Variants in RABGAP1L observed in about 807,000 individuals in gnomAD.
RABGAP1L encodes the protein RAB GTPase activating protein 1 like, also known as rab GTPase-activating protein 1-like.
In RABGAP1L, 63 loss-of-function variants were observed where a neutral mutation model predicts 137.7. The observed-to-expected ratio is 0.46, with a 90% CI of 0.37 to 0.56. The LOEUF is 0.56. RABGAP1L is among the 20% of genes least tolerant of loss of function. The pLI, the probability that RABGAP1L is intolerant of heterozygous loss-of-function variation, is 0.00. For missense variants in RABGAP1L, 1,095 were observed against 1,244.0 expected, an observed-to-expected ratio of 0.88 and a Z score of 1.80; for synonymous variants, 431 against 433.7, an observed-to-expected ratio of 0.99 and a Z score of 0.08.
At chr1:174,516,049 C>A (rs1423400951) in intron 13 of RABGAP1L, among the ~76,000 whole-genome samples, 1 of 149,422 alleles carries the variant, frequency 6.7e-6, no homozygotes, top group Admixed American at 6.7e-5. Context: ...TATTCAACTG[C>A]AAAATAAACT....
intron 11 of RABGAP1L, among the ~76,000 whole-genome samples, chr1:174,319,892 C>T (rs568778899): frequency 1.9e-4 from 29 of 151,044 alleles, no homozygotes; most frequent in Admixed American, 4.6e-4. Flanking sequence ...TTTACTTTCT[C>T]GTGCCTTGCC....
chr1:174,181,439 G>A (rs1265562687), intron 1 of RABGAP1L, among the ~76,000 whole-genome samples: 6 of 150,538 alleles, frequency 4.0e-5, no homozygotes, highest in African/African-American at 9.7e-5. Flanking sequence ...CCAGGTTCAC[G>A]CCATTCTCCT....
At chr1:174,223,442 C>CAAA (rs370743713) in intron 3 of RABGAP1L, among the ~76,000 whole-genome samples, 13 of 53,220 alleles carry the variant, frequency 2.4e-4, no homozygotes, top group African/African-American at 4.8e-4. Context: ...GACTCCATCT[C>CAAA]AAAAAAAAAA....
intron 25 of RABGAP1L, 22 bp downstream of exon 25, chr1:174,988,860 CAAG>C (rs1671831721): frequency 2.6e-5 from 39 of 1,523,940 alleles, no homozygotes; most frequent in Non-Finnish European, 3.4e-5. Flanking sequence ...GATAAAAGAA[CAAG>C]AAGAAAGAAT....
At chr1:174,640,665 C>G (rs1182841978) in intron 14 of RABGAP1L, among the ~76,000 whole-genome samples, 1 of 152,032 alleles carries the variant, frequency 6.6e-6, no homozygotes, top group Non-Finnish European at 1.5e-5. Flanking sequence ...ATTAATAACA[C>G]CTTGATCTTA....
chr1:174,952,931 G>GGAGGGCAGATCACTTGAGGTTAGGAGTTC, intron 19 of RABGAP1L, among the ~76,000 whole-genome samples: 2 of 151,858 alleles, frequency 1.3e-5, no homozygotes, highest in East Asian at 3.9e-4. Context: ...GGGAGGCTGA[G>GGAGGGCAGATCACTTGAGGTTAGGAGTTC]GAGGGCAGAT....
At chr1:174,602,714 G>A (rs967552184) in intron 13 of RABGAP1L, among the ~76,000 whole-genome samples, 1 of 151,968 alleles carries the variant, frequency 6.6e-6, no homozygotes, top group Non-Finnish European at 1.5e-5. Context: ...TTCTTGATCA[G>A]TTCGACTATT....
intron 11 of RABGAP1L, among the ~76,000 whole-genome samples, chr1:174,353,091 T>C (rs1338778269): frequency 6.6e-6 from 1 of 152,088 alleles, no homozygotes; most frequent in Admixed American, 6.5e-5. Context: ...CTACTGCTGA[T>C]GTTTATTTTA....
chr1:174,921,247 A>G (rs1208093650), intron 19 of RABGAP1L, among the ~76,000 whole-genome samples: 9 of 152,166 alleles, frequency 5.9e-5, no homozygotes, highest in Non-Finnish European at 8.8e-5. Context: ...TTGTTATGGC[A>G]GCCCTAGCGA....
At chr1:174,743,162 C>T (rs1683585766) in intron 17 of RABGAP1L, among the ~76,000 whole-genome samples, 1 of 152,102 alleles carries the variant, frequency 6.6e-6, no homozygotes, top group South Asian at 2.1e-4. Context: ...ATCTCCCTGA[C>T]AAACTGAAAC....
At chr1:174,884,076 G>A (rs1161417123) in intron 19 of RABGAP1L, among the ~76,000 whole-genome samples, 1 of 152,184 alleles carries the variant, frequency 6.6e-6, no homozygotes, top group East Asian at 1.9e-4. Flanking sequence ...CACGGTAAGA[G>A]AATTGATTGT....
chr1:174,246,695 T>G (rs1290174505), intron 5 of RABGAP1L, among the ~76,000 whole-genome samples: 6 of 152,130 alleles, frequency 3.9e-5, no homozygotes, highest in African/African-American at 1.2e-4. Flanking sequence ...TATTACACAG[T>G]TTTATATAAG....
chr1:174,318,795 A>T (rs1242057835), intron 11 of RABGAP1L, among the ~76,000 whole-genome samples: 2 of 151,724 alleles, frequency 1.3e-5, no homozygotes, highest in African/African-American at 4.8e-5. Flanking sequence ...CTTATGAAAA[A>T]CATCTTATAA....
intron 4 of RABGAP1L, among the ~76,000 whole-genome samples, chr1:174,240,216 ATTTGT>A (rs538971761): frequency 3.6e-4 from 45 of 123,576 alleles, no homozygotes; most frequent in South Asian, 5.2e-4. Flanking sequence ...AGGACTTAGG[ATTTGT>A]TTTGTTTTGT....
At position 174,368,383 on chromosome 1, in the gene RABGAP1L, G is replaced by A. The variant is rs997439377; in HGVS notation, c.1466-2596G>A. ...TTTGATCAAATGATATATTAACTTA[G>A]CATCTTAATAAATTCAAAAAGATTG... On this transcript the variant is annotated intron_variant, in intron 11 of 25. Coordinates refer to ENST00000681986, the MANE Select transcript of RABGAP1L (RefSeq NM_001366446.1). Among the ~76,000 whole-genome samples, 15 of 152,246 alleles carry A rather than the reference G, an allele frequency of 9.9e-5. No homozygotes were observed. The East Asian group carries it at 2.7e-3, about 27-fold the overall frequency.
At chr1:174,858,872 A>G (rs893504885) in intron 19 of RABGAP1L, among the ~76,000 whole-genome samples, 2 of 152,222 alleles carry the variant, frequency 1.3e-5, no homozygotes, top group African/African-American at 2.4e-5. Context: ...TCTTTGAAAA[A>G]TAACAATTCT....
At chr1:174,260,728 C>A (rs1673512979) in intron 7 of RABGAP1L, among the ~76,000 whole-genome samples, 1 of 152,072 alleles carries the variant, frequency 6.6e-6, no homozygotes, top group South Asian at 2.1e-4. Flanking sequence ...ATTTTTAAAG[C>A]CTTGATAGTG....
chr1:174,559,246 T>C (rs1259879338), intron 13 of RABGAP1L, among the ~76,000 whole-genome samples: 2 of 152,208 alleles, frequency 1.3e-5, no homozygotes. Context: ...CTTAGAACTT[T>C]ATCTATTCAA....
At chr1:174,941,935 T>C (rs953761665) in intron 19 of RABGAP1L, among the ~76,000 whole-genome samples, 1 of 152,234 alleles carries the variant, frequency 6.6e-6, no homozygotes, top group African/African-American at 2.4e-5. Flanking sequence ...GTCATAACTT[T>C]CTTTGTATCC....
Sources: allele counts gnomAD v4.1 joint callset (sites outside exome capture counted in the v4.1 genomes callset), GRCh38; gene constraint gnomAD v4.1.1; transcripts MANE v1.5; gene names NCBI Gene and HGNC (gene_info 2026-07-23, HGNC 2026-07-21).